TNRC18: variants seen among roughly 807,000 people sequenced by gnomAD.
TNRC18 encodes trinucleotide repeat containing 18.
Under a neutral mutation model 226.7 loss-of-function variants are expected in TNRC18, and 69 were observed. The ratio of observed to expected loss-of-function variants is 0.30; its 90% CI spans 0.25 to 0.37. The LOEUF is 0.37. Among genes scored for constraint, TNRC18 ranks in the 10% least tolerant of loss-of-function variants. The pLI is 1.00. For synonymous variants in TNRC18, 2,449 were observed against 1,927.6 expected, an observed-to-expected ratio of 1.27 and a Z score of -7.09; for missense variants, 4,754 against 4,256.6, an observed-to-expected ratio of 1.12 and a Z score of -3.25.
At chr7:5,330,617 G>A (rs1215739685) in intron 19 of TNRC18, among the ~76,000 whole-genome samples, 1 of 152,092 alleles carries the variant, frequency 6.6e-6, no homozygotes, top group African/African-American at 2.4e-5. Context: ...TGCATGGTAA[G>A]TGTGTGAAGT....
At position 5,356,794 on chromosome 7, in the gene TNRC18, CAGAG is replaced by C. The variant is rs756427147; in HGVS notation, c.5194+118_5194+121del. ...CAAGCTCAGGCACTGTAGTGCGCCC[CAGAG>C]AGAGAGCGAGAGCGAGAGAGAGAGT... On this transcript the variant is annotated intron_variant, in intron 16 of 29. Transcript: ENST00000430969. 8.8e-6 allele frequency: 12 copies of C among 1,366,420 alleles called. No homozygotes were observed. The African/African-American group carries it at 9.0e-5, about 10-fold the overall frequency. The allele number at this position is 1,366,420 out of a possible 1,614,324, so 84.6% of individuals were successfully genotyped here.
At chr7:5,401,237 C>CG (rs1049638742) in intron 2 of TNRC18, among the ~76,000 whole-genome samples, 6 of 77,900 alleles carry the variant, frequency 7.7e-5, no homozygotes, top group African/African-American at 1.1e-4. Context: ...CGGGGGGGGG[C>CG]GGGGGGGCTG....
rs752327629 is a variant in TNRC18 at position 5,308,307 on chromosome 7, C to A, written c.8706G>T (p.Ala2902=). The part of the protein sequence containing the change: ...SSQRKDFMER[A]LYQSSHVDEN... The stretch of plus-strand genomic sequence containing the variant: ...CGTCCACATGCGAGGACTGGTATAG[C>A]GCGCGCTGCGGGCACGCGGGGATAT... The change falls in exon 30 of 30, where the codon GCG becomes GCT. Residue 2902 remains alanine, a synonymous_variant. Coordinates refer to ENST00000430969, the MANE Select transcript of TNRC18 (RefSeq NM_001080495.3). 15 of 1,610,704 alleles carry A rather than the reference C, an allele frequency of 9.3e-6. No individual in the cohort carries two copies. The East Asian group carries it at 1.1e-4, about 12-fold the overall frequency.
chr7:5,419,380 G>C (rs1278851033), intron 2 of TNRC18, among the ~76,000 whole-genome samples: 1 of 152,186 alleles, frequency 6.6e-6, no homozygotes, highest in East Asian at 1.9e-4. Flanking sequence ...CAGCCAGAGA[G>C]ACCCGGGTAC....
chr7:5,374,307 G>C lies in TNRC18; in HGVS notation c.2977C>G (p.Pro993Ala), dbSNP rs1268662852. Residue 993 changes from proline to alanine, a missense_variant, in exon 10 of 30, where the codon CCA becomes GCA. By Grantham distance (27) the Pro-to-Ala change is conservative. Transcript: ENST00000430969. The part of the protein sequence containing the change: ...AGTYGKAVSP[P>A]PSPRASPVAA... ...ACAGGGGATGCGCGGGGTGATGGTG[G>C]CGGGCTCACGGCCTTGCCGTAGGTG... is the stretch of plus-strand genomic sequence containing the variant. 1 of 1,447,316 alleles carries C rather than the reference G, an allele frequency of 6.9e-7. No individual in the cohort carries two copies. The highest frequency in any genetic ancestry group is 2.5e-4 in the Middle Eastern group (1 of 3,966). The allele number at this position is 1,447,316 out of a possible 1,614,324, so 89.7% of individuals were successfully genotyped here. A position where few individuals can be genotyped will look rare whatever the true frequency, so the allele number is the denominator to read the frequency against.
chr7:5,389,461 G>GGTTTTTTTTT, intron 4 of TNRC18, 125 bp from the exon 5 acceptor site: 2 of 564,674 alleles, frequency 3.5e-6, no homozygotes, highest in African/African-American at 2.8e-5. Context: ...TTTGGTTTTG[G>GGTTTTTTTTT]TTTTTTTTTT....
Position 5,321,004 on chromosome 7 carries a change from C to T in TNRC18, c.6560+69G>A, listed in dbSNP as rs533248711. 174 of 1,156,130 alleles carry T rather than the reference C, an allele frequency of 1.5e-4. No individual in the cohort carries two copies. The African/African-American group carries it at 2.2e-3, about 14-fold the overall frequency. The allele number at this position is 1,156,130 out of a possible 1,614,324, so 71.6% of individuals were successfully genotyped here. A position where few individuals can be genotyped will look rare whatever the true frequency, so the allele number is the denominator to read the frequency against. ...CCCAGAAAGGAGAAGCAGCCAGGCA[C>T]AGAGGCGGCCGGGACACGGGGCGGG... is the stretch of plus-strand genomic sequence containing the variant. On this transcript the variant is annotated intron_variant, in intron 22 of 29. Coordinates refer to ENST00000430969, the MANE Select transcript of TNRC18 (RefSeq NM_001080495.3).
chr7:5,320,722 A>G, intron 22 of TNRC18, 115 bp from the exon 23 acceptor site: 2 of 861,660 alleles, frequency 2.3e-6, no homozygotes, highest in Non-Finnish European at 3.6e-6. Flanking sequence ...CAGGACTCAG[A>G]GGTTTGCTGA....
At chr7:5,419,266 G>A (rs1306949465) in intron 2 of TNRC18, among the ~76,000 whole-genome samples, 3 of 152,246 alleles carry the variant, frequency 2.0e-5, no homozygotes, top group African/African-American at 4.8e-5. Context: ...TGTTTTCACC[G>A]CTTCGCATTA....
chr7:5,371,725 T>C (rs6964182), intron 10 of TNRC18, among the ~76,000 whole-genome samples: 109,130 of 152,076 alleles, frequency 0.72, 40,470 homozygotes, highest in African/African-American at 0.92. Context: ...TGTGGTCTGG[T>C]CTCCACTCCC....
intron 2 of TNRC18, among the ~76,000 whole-genome samples, chr7:5,419,175 C>G (rs919571872): frequency 3.9e-5 from 6 of 152,274 alleles, no homozygotes; most frequent in African/African-American, 1.4e-4. Context: ...CACCATCCAG[C>G]AAATGGGCAT....
chr7:5,344,950 G>A (rs972459443), intron 18 of TNRC18, among the ~76,000 whole-genome samples: 3 of 152,146 alleles, frequency 2.0e-5, no homozygotes, highest in Admixed American at 2.0e-4. Flanking sequence ...AAGTGTGAGT[G>A]CCTGCTGCCT....
At chr7:5,318,593 G>A (rs2128110431) in intron 24 of TNRC18, among the ~76,000 whole-genome samples, 2 of 113,872 alleles carry the variant, frequency 1.8e-5, no homozygotes, top group South Asian at 5.6e-4. Flanking sequence ...CAGATACCCA[G>A]CATGATGAGA....
chr7:5,361,835 G>A (rs533902895), intron 13 of TNRC18, 62 bp downstream of exon 13: 1,327 of 1,508,104 alleles, frequency 8.8e-4, no homozygotes, highest in Non-Finnish European at 1.1e-3. Context: ...CGGCTGCTGC[G>A]CGCCTGGGGG....
chr7:5,403,624 A>G (rs767945843), intron 2 of TNRC18, among the ~76,000 whole-genome samples: 4 of 151,764 alleles, frequency 2.6e-5, no homozygotes, highest in Non-Finnish European at 4.4e-5. Flanking sequence ...GACCCCATCT[A>G]TACAAAAAAA....
intron 15 of TNRC18, among the ~76,000 whole-genome samples, chr7:5,357,501 T>A (rs1196833243): frequency 6.6e-6 from 1 of 152,066 alleles, no homozygotes; most frequent in Non-Finnish European, 1.5e-5. Flanking sequence ...AACCTCCACC[T>A]CCCAGGTCCA....
At chr7:5,368,476 A>G (rs912764624) in intron 11 of TNRC18, among the ~76,000 whole-genome samples, 1 of 152,192 alleles carries the variant, frequency 6.6e-6, no homozygotes, top group East Asian at 1.9e-4. Flanking sequence ...CAGCCTGGCC[A>G]ACATGGTGAA....
chr7:5,399,386 C>A (rs1193498449), intron 2 of TNRC18, among the ~76,000 whole-genome samples: 2 of 152,230 alleles, frequency 1.3e-5, no homozygotes, highest in Non-Finnish European at 2.9e-5. Context: ...TCTCACCCGA[C>A]ACCTTAGAAG....
At chr7:5,375,083 G>A (rs1794525494) in intron 9 of TNRC18, among the ~76,000 whole-genome samples, 1 of 152,220 alleles carries the variant, frequency 6.6e-6, no homozygotes, top group East Asian at 1.9e-4. Flanking sequence ...GCCAAGGCGG[G>A]TGGATCACCT....
Sources: allele counts gnomAD v4.1 joint callset (sites outside exome capture counted in the v4.1 genomes callset), GRCh38; gene constraint gnomAD v4.1.1; transcripts MANE v1.5; gene names NCBI Gene and HGNC (gene_info 2026-07-23, HGNC 2026-07-21).